Variants in DLG3 observed in about 807,000 individuals in gnomAD.
DLG3 encodes disks large homolog 3.
Under a neutral mutation model 64.1 loss-of-function variants are expected in DLG3, and 1 was observed. The ratio of observed to expected loss-of-function variants is 0.02; its 90% confidence interval spans 0.01 to 0.07. DLG3 has a LOEUF of 0.07. Ranked by LOEUF, DLG3 falls within the 10% of genes least tolerant of loss-of-function variation. The probability of loss-of-function intolerance (pLI) is 1.00; values close to 1 mark genes in which losing one functional copy is unlikely to be tolerated. For missense variants in DLG3, 429 were observed against 669.5 expected, an observed-to-expected ratio of 0.64 and a Z score of 3.96; for synonymous variants, 245 against 259.8, an observed-to-expected ratio of 0.94 and a Z score of 0.55.
At chrX:70,497,125 T>C in intron 13 of DLG3, 1 of 1,140,751 alleles carries the variant, frequency 8.8e-7, no homozygotes, top group East Asian at 3.0e-5. Flanking sequence ...TTGTGCTGCA[T>C]GTGACCTCTC....
chrX:70,471,376 C>G (rs1337010666), intron 9 of DLG3, among the ~76,000 whole-genome samples: 1 of 107,339 alleles, frequency 9.3e-6, no homozygotes, highest in Non-Finnish European at 1.9e-5. Context: ...GTTGCACAGG[C>G]TGGAGTGCAG....
At chrX:70,497,572 C>A (rs904396226) in intron 13 of DLG3, among the ~76,000 whole-genome samples, 1 of 112,290 alleles carries the variant, frequency 8.9e-6, no homozygotes, top group African/African-American at 3.2e-5. Flanking sequence ...AGAAAAATGG[C>A]TCCTCTAGGA....
At chrX:70,492,493 A>G in intron 11 of DLG3, 28 bp from the exon 12 acceptor site, 1 of 1,203,017 alleles carries the variant, frequency 8.3e-7, no homozygotes, top group Non-Finnish European at 1.1e-6. Context: ...ACTGGCAGTA[A>G]CAGGACTTCT....
chrX:70,455,960 T>C (rs2086700548), intron 9 of DLG3: 1 of 111,603 alleles, frequency 9.0e-6, no homozygotes, highest in African/African-American at 3.3e-5. Flanking sequence ...TCCTTTCCGT[T>C]CCCCTCCCCC....
intron 9 of DLG3, among the ~76,000 whole-genome samples, chrX:70,457,472 TATTGAGAGGTA>T (rs2086728425): frequency 8.9e-6 from 1 of 112,200 alleles, no homozygotes; most frequent in Non-Finnish European, 1.9e-5. Context: ...AAAATGGTGT[TATTGAGAGGTA>T]AGTCATTTAC....
At chrX:70,473,391 T>G (rs1207706979) in intron 9 of DLG3, among the ~76,000 whole-genome samples, 1 of 110,062 alleles carries the variant, frequency 9.1e-6, no homozygotes, top group Non-Finnish European at 1.9e-5. Context: ...AAACCTTTGT[T>G]GAACTCCACC....
At chrX:70,494,212 C>A (rs1008371095) in intron 12 of DLG3, among the ~76,000 whole-genome samples, 9 of 112,720 alleles carry the variant, frequency 8.0e-5, no homozygotes, top group Non-Finnish European at 1.5e-4. Flanking sequence ...GAAATTTAAT[C>A]CTGATAAATC....
chrX:70,479,201 A>G lies in DLG3; in HGVS notation c.1457A>G (p.Asn486Ser), dbSNP rs776831262. The G allele has an allele frequency of 4.1e-6, 5 of 1,210,246 alleles. No homozygotes were observed. The South Asian group carries it at 8.8e-5, about 21-fold the overall frequency. ...KIHDLREQMM[N>S]SSMSSGSGSL... The stretch of plus-strand genomic sequence containing the variant: ...CATGACTTACGAGAACAAATGATGA[A>G]CAGCAGCATGAGCTCTGGGTCTGGG... Residue 486 changes from asparagine to serine, a missense_variant, in exon 10 of 19, where the codon AAC (asparagine) becomes AGC (serine). Physicochemically the swap from Asn to Ser is conservative, Grantham distance 46 (BLOSUM62 1). Transcript: ENST00000374360.
rs1377828532 is a variant in DLG3, at chrX:70,454,293, T to C, written c.1382T>C (p.Ile461Thr). 8.3e-7 allele frequency: 1 copy of C among 1,210,722 alleles called. No individual in the cohort carries two copies. The highest frequency in any genetic ancestry group is 1.1e-6 in the Non-Finnish European group (1 of 894,644). ...ALKRAGQSVT[I>T]VAQYRPEEYS... ...AAACGGGCCGGCCAGTCAGTCACCA[T>C]TGTGGCCCAGTACAGACCTGAAGGT... Residue 461 changes from isoleucine (I) to threonine (T), a missense_variant, in exon 9 of 19, where the codon ATT becomes ACT. Ile to Thr is a moderately conservative substitution (Grantham distance 89, BLOSUM62 -1). Transcript: ENST00000374360.
chrX:70,461,574 C>G (rs866534457), intron 9 of DLG3, among the ~76,000 whole-genome samples: 14 of 100,953 alleles, frequency 1.4e-4, no homozygotes, highest in African/African-American at 3.9e-4. Context: ...AGGGCCCCCC[C>G]TTTTTTTTTT....
intron 1 of DLG3, among the ~76,000 whole-genome samples, chrX:70,448,344 A>C (rs2086586856): frequency 8.9e-6 from 1 of 112,315 alleles, no homozygotes; most frequent in Admixed American, 9.4e-5. Context: ...GCCCTTAGGC[A>C]CATCCCATGT....
intron 9 of DLG3, among the ~76,000 whole-genome samples, chrX:70,467,420 AT>A (rs781072220): frequency 1.8e-5 from 2 of 112,160 alleles, no homozygotes; most frequent in Admixed American, 1.9e-4. Context: ...GGACTTTAAT[AT>A]TTTACTTTTG....
chrX:70,502,381 T>G lies in DLG3; in HGVS notation c.*112T>G. ...AACAAATGCTACTGTTCTTGTCCCCTTTTTTAGATATGTCAAAAAAAATTA... is the reference window on the plus strand; with the variant it reads ...AACAAATGCTACTGTTCTTGTCCCCGTTTTTAGATATGTCAAAAAAAATTA... On this transcript the variant is annotated 3_prime_UTR_variant, in exon 19 of 19. Coordinates refer to ENST00000374360, the MANE Select transcript of DLG3 (RefSeq NM_021120.4). 3 of 551,588 alleles carry G rather than the reference T, an allele frequency of 5.4e-6. No homozygotes were observed. The highest frequency in any genetic ancestry group is 9.0e-6 in the Non-Finnish European group (3 of 332,195). 45.5% of individuals were successfully genotyped at this position (551,588 alleles called of 1,213,427 possible).
At chrX:70,498,602 C>T (rs374943983) in intron 14 of DLG3, 32 bp downstream of exon 14, 2 of 1,162,910 alleles carry the variant, frequency 1.7e-6, no homozygotes, top group African/African-American at 1.8e-5. Flanking sequence ...TGTCTTCGTG[C>T]TGGTCTCCTG....
chrX:70,455,097 C>G (rs2086680420), intron 9 of DLG3: 1 of 728,441 alleles, frequency 1.4e-6, no homozygotes, highest in Non-Finnish European at 1.6e-6. Flanking sequence ...CTCCTTCCCC[C>G]CATCGCGCGC....
chrX:70,495,474 G>C (rs760113220), intron 13 of DLG3, 21 bp downstream of exon 13: 1 of 1,192,603 alleles, frequency 8.4e-7, no homozygotes, highest in Admixed American at 2.2e-5. Flanking sequence ...CTTACACACC[G>C]TTCACTGTAC....
rs770542378 is a variant in DLG3 at position 70,453,713 on chromosome X, G to A, written c.1222G>A (p.Gly408Ser). 1 of 1,208,559 alleles carries A rather than the reference G, an allele frequency of 8.3e-7. No individual in the cohort carries two copies. Among genetic ancestry groups the A allele is most frequent in the Non-Finnish European group, 1.1e-6 (1 of 893,954 alleles). ...FNIVGGEDGE[G>S]IFVSFILAGG... ...CATCGTAGGAGGAGAGGATGGAGAA[G>A]GCATTTTTGTCTCCTTCATCCTGGC... The change falls in exon 8 of 19, where the codon GGC becomes AGC. Residue 408 changes from glycine (G) to serine (S), a missense_variant. Around this residue, in one of 9 missense-constraint regions of DLG3, gnomAD observed 7 missense variants for 32.0 expected, o/e 0.22. Transcript: ENST00000374360.
chrX:70,479,170 A>C lies in DLG3; in HGVS notation c.1426A>C (p.Lys476Gln). ...GACAGAATACAGTCGCTTTGAATCGAAGATACATGACTTACGAGAACAAAT... is the reference window on the plus strand; with the variant it reads ...GACAGAATACAGTCGCTTTGAATCGCAGATACATGACTTACGAGAACAAAT... ...RPEEYSRFES[K>Q]IHDLREQMMN... Residue 476 changes from lysine (K) to glutamine (Q), a missense_variant, in exon 10 of 19, where the codon AAG (lysine) becomes CAG (glutamine). Lys to Gln is a moderately conservative substitution (Grantham distance 53). Coordinates refer to ENST00000374360, the MANE Select transcript of DLG3 (RefSeq NM_021120.4). The C allele has an allele frequency of 8.3e-7, 1 of 1,209,740 alleles. No homozygotes were observed. The highest frequency in any genetic ancestry group is 1.1e-6 in the Non-Finnish European group (1 of 893,544).
At chrX:70,451,017 T>C in intron 6 of DLG3, 1 of 435,921 alleles carries the variant, frequency 2.3e-6, no homozygotes, top group Admixed American at 4.0e-5. Flanking sequence ...ACAATTTCTA[T>C]GGAGAGTGAA....
Sources: allele counts gnomAD v4.1 joint callset (sites outside exome capture counted in the v4.1 genomes callset), GRCh38; gene constraint gnomAD v4.1.1; regional missense constraint gnomAD v4.1.1; transcripts MANE v1.5; gene names NCBI Gene and HGNC (gene_info 2026-07-23, HGNC 2026-07-21).